ADAMTS17: variants seen among roughly 807,000 people sequenced by gnomAD.
ADAMTS17 encodes the protein A disintegrin and metalloproteinase with thrombospondin motifs 17.
ADAMTS17 carries 113 observed loss-of-function variants against 141.5 expected under a neutral mutation model. The ratio of observed to expected loss-of-function variants is 0.80; its 90% CI spans 0.69 to 0.93. ADAMTS17 has a LOEUF of 0.93. Ranked by LOEUF, ADAMTS17 falls within the 40% of genes least tolerant of loss-of-function variation. ADAMTS17 has a pLI of 0.00. For missense variants in ADAMTS17, 1,659 were observed against 1,517.9 expected (o/e 1.09, Z -1.54); for synonymous variants, 768 against 630.6 (o/e 1.22, Z -3.27).
intron 2 of ADAMTS17, among the ~76,000 whole-genome samples, chr15:100,340,780 C>CT (rs2046339108): frequency 6.6e-6 from 1 of 152,046 alleles, no homozygotes; most frequent in African/African-American, 2.4e-5. Context: ...GGCGTATACC[C>CT]CACGCAACCC....
chr15:100,154,441 G>C (rs1189267650), intron 9 of ADAMTS17, among the ~76,000 whole-genome samples: 1 of 152,186 alleles, frequency 6.6e-6, no homozygotes, highest in Non-Finnish European at 1.5e-5. Context: ...GTACTTGAAT[G>C]TGCTACTGGA....
intron 7 of ADAMTS17, among the ~76,000 whole-genome samples, chr15:100,212,272 T>A (rs1198558582): frequency 2.6e-5 from 4 of 151,900 alleles, no homozygotes; most frequent in Non-Finnish European, 2.9e-5. Flanking sequence ...GCAGCAAAGG[T>A]AGAGAGGACT....
chr15:100,261,162 AG>A (rs1207555017), intron 6 of ADAMTS17, among the ~76,000 whole-genome samples: 1 of 152,168 alleles, frequency 6.6e-6, no homozygotes, highest in Non-Finnish European at 1.5e-5. Context: ...GTCACACTGG[AG>A]TAAGGTGAGC....
At chr15:100,046,608 G>C (rs1477298369) in intron 18 of ADAMTS17, among the ~76,000 whole-genome samples, 3 of 152,204 alleles carry the variant, frequency 2.0e-5, no homozygotes, top group Non-Finnish European at 2.9e-5. Context: ...ACATTTATTA[G>C]TTCCCCAAAT....
At chr15:100,325,011 A>G (rs1232211287) in intron 3 of ADAMTS17, among the ~76,000 whole-genome samples, 2 of 152,202 alleles carry the variant, frequency 1.3e-5, no homozygotes, top group South Asian at 2.1e-4. Flanking sequence ...GATGGTGTCT[A>G]TTGTTACAGA....
At chr15:100,035,906 T>C (rs1449318877) in intron 18 of ADAMTS17, among the ~76,000 whole-genome samples, 1 of 152,136 alleles carries the variant, frequency 6.6e-6, no homozygotes, top group Non-Finnish European at 1.5e-5. Flanking sequence ...ACTGTTATTC[T>C]CTGCATGTTA....
At chr15:100,194,086 A>G (rs2041023043) in intron 8 of ADAMTS17, among the ~76,000 whole-genome samples, 1 of 152,216 alleles carries the variant, frequency 6.6e-6, no homozygotes, top group Non-Finnish European at 1.5e-5. Context: ...TTCTCTGTAT[A>G]AAGATATATC....
chr15:100,341,875 G>C lies in ADAMTS17; in HGVS notation c.25C>G (p.Pro9Ala). The change falls in exon 1 of 22, where the codon CCG becomes GCG. Residue 9 changes from proline to alanine, a missense_variant. Pro to Ala is a conservative substitution (Grantham distance 27, BLOSUM62 -1). Transcript: ENST00000268070. MCDGALLPPLVLPVLLLLV... is the reference protein window; with the variant it reads MCDGALLPALVLPVLLLLV... ...AGCAGCAGCACGGGCAGGACGAGCG[G>C]AGGCAGCAGGGCGCCGTCACACATG... 1 of 1,552,226 alleles carries C rather than the reference G, an allele frequency of 6.4e-7. No individual in the cohort carries two copies. Among genetic ancestry groups the C allele is most frequent in the Non-Finnish European group, 8.7e-7 (1 of 1,147,918 alleles).
intron 20 of ADAMTS17, among the ~76,000 whole-genome samples, chr15:99,984,255 C>T (rs1054669114): frequency 2.0e-5 from 3 of 152,144 alleles, no homozygotes; most frequent in East Asian, 1.9e-4. Context: ...GGGACTGAAG[C>T]GCAGAGGAGA....
chr15:100,188,910 A>G (rs1488216368), intron 8 of ADAMTS17, among the ~76,000 whole-genome samples: 8 of 152,234 alleles, frequency 5.3e-5, no homozygotes. Flanking sequence ...CGCAGAAACA[A>G]GATGGAAAAA....
chr15:100,246,258 G>A (rs1412322124), intron 7 of ADAMTS17, among the ~76,000 whole-genome samples: 1 of 151,986 alleles, frequency 6.6e-6, no homozygotes, highest in African/African-American at 2.4e-5. Context: ...TGAATTTGTG[G>A]GATACGAAGC....
chr15:100,153,731 T>C (rs1189761528), intron 9 of ADAMTS17, among the ~76,000 whole-genome samples: 2 of 152,172 alleles, frequency 1.3e-5, no homozygotes, highest in African/African-American at 2.4e-5. Flanking sequence ...TATTTCTCAA[T>C]TTCTAAAGGC....
chr15:100,220,576 T>C (rs1264878701), intron 7 of ADAMTS17, among the ~76,000 whole-genome samples: 1 of 152,204 alleles, frequency 6.6e-6, no homozygotes, highest in Non-Finnish European at 1.5e-5. Flanking sequence ...GTGGTTTTAG[T>C]ACTTTCTCAA....
chr15:100,147,145 T>C (rs2038946466), intron 10 of ADAMTS17, among the ~76,000 whole-genome samples: 3 of 152,170 alleles, frequency 2.0e-5, no homozygotes, highest in East Asian at 1.9e-4. Flanking sequence ...GCTGGTTTTG[T>C]GGCTTGGGGG....
chr15:100,062,637 G>A (rs1483992686), intron 15 of ADAMTS17, among the ~76,000 whole-genome samples: 1 of 152,172 alleles, frequency 6.6e-6, no homozygotes, highest in African/African-American at 2.4e-5. Flanking sequence ...AAAAATCAGT[G>A]ATAAAAATGG....
Position 100,133,221 on chromosome 15 carries a change from G to A in ADAMTS17, c.1568C>T (p.Ala523Val). The change falls in exon 11 of 22, where the codon GCA becomes GTA. Residue 523 changes from alanine to valine, a missense_variant. Transcript: ENST00000268070. ...TGGGAAGTCAGAGGTTACCTTGTCTGCCCCACACTCGGTGCCATCCAGGGG... is the reference window on the plus strand; with the variant it reads ...TGGGAAGTCAGAGGTTACCTTGTCTACCCCACACTCGGTGCCATCCAGGGG... ...DPPLDGTECGADKWCRAGECV... is the reference protein window; with the variant it reads ...DPPLDGTECGVDKWCRAGECV... 1 of 1,590,994 alleles carries A rather than the reference G, an allele frequency of 6.3e-7. No individual in the cohort carries two copies. The highest frequency in any genetic ancestry group is 8.6e-7 in the Non-Finnish European group (1 of 1,167,156).
intron 4 of ADAMTS17, among the ~76,000 whole-genome samples, chr15:100,280,854 T>C (rs1020856476): frequency 6.6e-6 from 1 of 152,158 alleles, no homozygotes; most frequent in Non-Finnish European, 1.5e-5. Flanking sequence ...CTTTTTCCCA[T>C]AGAGGTTGGA....
intron 15 of ADAMTS17, among the ~76,000 whole-genome samples, chr15:100,081,418 A>G (rs2034728423): frequency 6.6e-6 from 1 of 152,232 alleles, no homozygotes; most frequent in African/African-American, 2.4e-5. Context: ...GTATGTGTGT[A>G]TCTCCTCTAC....
rs537898100 is a variant in ADAMTS17, at chr15:100,109,385, T to C, written c.1889-269A>G. Among the ~76,000 whole-genome samples, 9 of 151,754 alleles carry C rather than the reference T, an allele frequency of 5.9e-5. 1 individual carries two copies. Among genetic ancestry groups the C allele is most frequent in the Non-Finnish European group, 1.2e-4 (8 of 67,996 alleles). ...AGGAAGTTTCCTTTTCCTTAAGGCA[T>C]CAACTATACCCGGTGAACAAAGGAA... is the stretch of plus-strand genomic sequence containing the variant. On this transcript the variant is annotated intron_variant, in intron 13 of 21. Transcript: ENST00000268070.
Sources: allele counts gnomAD v4.1 joint callset (sites outside exome capture counted in the v4.1 genomes callset), GRCh38; gene constraint gnomAD v4.1.1; transcripts MANE v1.5; gene names NCBI Gene and HGNC (gene_info 2026-07-23, HGNC 2026-07-21).